The following CSMD1 variants were observed in gnomAD, a reference collection of about 807,000 sequenced individuals.
The protein encoded by CSMD1 is CUB and Sushi multiple domains 1.
Under a neutral mutation model 417.5 loss-of-function variants are expected in CSMD1, and 213 were observed. The observed-to-expected ratio is 0.51, with a 90% CI of 0.46 to 0.57. CSMD1 has a LOEUF of 0.57. Among genes scored for constraint, CSMD1 ranks in the 20% least tolerant of loss-of-function variants. The pLI is 0.00. For missense variants in CSMD1, 6,923 were observed against 4,529.7 expected (o/e 1.53, Z -15.17); for synonymous variants, 2,862 against 1,736.8 (o/e 1.65, Z -16.11).
chr8:4,886,192 T>C (rs1803727824), intron 1 of CSMD1, among the ~76,000 whole-genome samples: 3 of 152,010 alleles, frequency 2.0e-5, no homozygotes, highest in Non-Finnish European at 4.4e-5. Flanking sequence ...GGTTTCACCA[T>C]GTTGGCCAGG....
At chr8:3,987,555 A>C (rs1279379900) in intron 5 of CSMD1, among the ~76,000 whole-genome samples, 1 of 152,170 alleles carries the variant, frequency 6.6e-6, no homozygotes, top group Non-Finnish European at 1.5e-5. Context: ...TGGTGCAGCT[A>C]CGAAGGGGAG....
intron 8 of CSMD1, among the ~76,000 whole-genome samples, chr8:3,604,879 G>C (rs868610130): frequency 2.0e-5 from 3 of 152,172 alleles, no homozygotes; most frequent in African/African-American, 7.2e-5. Context: ...TCCACGCTCT[G>C]TGTTCACCTG....
chr8:3,825,274 A>C (rs552504233), intron 5 of CSMD1, among the ~76,000 whole-genome samples: 45 of 152,284 alleles, frequency 3.0e-4, no homozygotes, highest in African/African-American at 1.1e-3. Flanking sequence ...TCACGCCTGT[A>C]ATCTCAGCAC....
intron 10 of CSMD1, among the ~76,000 whole-genome samples, chr8:3,511,416 G>C (rs1797061994): frequency 6.6e-6 from 1 of 151,534 alleles, no homozygotes. Context: ...TATAGATTTG[G>C]AAATGATCTG....
chr8:4,809,818 T>A (rs1042452236), intron 1 of CSMD1, among the ~76,000 whole-genome samples: 1 of 152,210 alleles, frequency 6.6e-6, no homozygotes, highest in Non-Finnish European at 1.5e-5. Flanking sequence ...CTAGTACATA[T>A]CATTGTGGAC....
At chr8:3,989,670 A>C (rs1368441331) in intron 5 of CSMD1, among the ~76,000 whole-genome samples, 1 of 152,238 alleles carries the variant, frequency 6.6e-6, no homozygotes, top group East Asian at 1.9e-4. Context: ...TTATTAAGAA[A>C]CGATACTGTG....
intron 5 of CSMD1, among the ~76,000 whole-genome samples, chr8:3,896,671 T>G (rs183132115): frequency 2.1e-3 from 316 of 152,044 alleles, no homozygotes; most frequent in Non-Finnish European, 3.9e-3. Flanking sequence ...GCCACCACAC[T>G]GGCTAATTTT....
Position 4,494,151 on chromosome 8 carries a change from G to A in CSMD1, c.303-74086C>T, listed in dbSNP as rs533547204. ...GTAGAGAAAACTGGGGTAAGATATT[G>A]TTGTTTCAAAAACCAATATTCCTGT... On this transcript the variant is annotated intron_variant, in intron 2 of 69. Coordinates refer to ENST00000635120, the MANE Select transcript of CSMD1 (RefSeq NM_033225.6). 3.2e-4 allele frequency among the ~76,000 whole-genome samples: 48 copies of A among 152,254 alleles called. No individual in the cohort carries two copies. In the South Asian group the frequency reaches 1.0e-2, roughly 32 times the overall value.
intron 18 of CSMD1, among the ~76,000 whole-genome samples, chr8:3,385,400 C>T (rs537124474): frequency 1.6e-4 from 24 of 151,314 alleles, no homozygotes; most frequent in African/African-American, 4.8e-4. Flanking sequence ...ATATCCTATG[C>T]GGAAATCTAT....
chr8:4,575,268 C>G (rs1563300851), intron 2 of CSMD1, among the ~76,000 whole-genome samples: 1 of 152,142 alleles, frequency 6.6e-6, no homozygotes, highest in African/African-American at 2.4e-5. Context: ...AGATCATTCT[C>G]ATTATTTTCA....
chr8:4,652,572 A>T (rs553448629), intron 1 of CSMD1, among the ~76,000 whole-genome samples: 1 of 152,032 alleles, frequency 6.6e-6, no homozygotes, highest in East Asian at 1.9e-4. Context: ...GAATCGCTTG[A>T]ACCCGGGAGG....
chr8:4,945,192 G>A (rs1177801051), intron 1 of CSMD1, among the ~76,000 whole-genome samples: 1 of 152,156 alleles, frequency 6.6e-6, no homozygotes, highest in Non-Finnish European at 1.5e-5. Flanking sequence ...GGTTTGTAGA[G>A]CAGTGAAATC....
At chr8:3,934,245 C>G (rs992193895) in intron 5 of CSMD1, among the ~76,000 whole-genome samples, 1 of 152,164 alleles carries the variant, frequency 6.6e-6, no homozygotes, top group South Asian at 2.1e-4. Flanking sequence ...GATGAACTTG[C>G]TCAGAATAAT....
intron 10 of CSMD1, among the ~76,000 whole-genome samples, chr8:3,499,920 G>A (rs1223487348): frequency 6.6e-6 from 1 of 152,128 alleles, no homozygotes; most frequent in Non-Finnish European, 1.5e-5. Flanking sequence ...GGAACCCGGT[G>A]TGAGTTCTCT....
At chr8:3,067,845 C>A (rs921006021) in intron 49 of CSMD1, among the ~76,000 whole-genome samples, 2 of 152,018 alleles carry the variant, frequency 1.3e-5, no homozygotes, top group Non-Finnish European at 1.5e-5. Context: ...CTCATACTAA[C>A]AATATGAGTC....
At chr8:4,661,023 T>C (rs1292041851) in intron 1 of CSMD1, among the ~76,000 whole-genome samples, 1 of 152,172 alleles carries the variant, frequency 6.6e-6, no homozygotes, top group Non-Finnish European at 1.5e-5. Context: ...CTGGTTGGAA[T>C]GCAAAATGGC....
chr8:3,444,621 C>T (rs1036189044), intron 12 of CSMD1, among the ~76,000 whole-genome samples: 1 of 152,096 alleles, frequency 6.6e-6, no homozygotes, highest in Non-Finnish European at 1.5e-5. Flanking sequence ...CCTACAGTCA[C>T]AGGACCGTCC....
chr8:4,912,142 G>T (rs112237499), intron 1 of CSMD1, among the ~76,000 whole-genome samples: 1 of 56,322 alleles, frequency 1.8e-5, no homozygotes. Context: ...AAAAAAAAAA[G>T]AAAGAAAGAA....
intron 3 of CSMD1, among the ~76,000 whole-genome samples, chr8:4,239,599 C>G (rs1292961119): frequency 2.0e-5 from 3 of 152,142 alleles, no homozygotes; most frequent in African/African-American, 7.2e-5. Context: ...CCACCTGCCT[C>G]TCTTAGAAGG....
Sources: allele counts gnomAD v4.1 joint callset (sites outside exome capture counted in the v4.1 genomes callset), GRCh38; gene constraint gnomAD v4.1.1; transcripts MANE v1.5; gene names NCBI Gene and HGNC (gene_info 2026-07-23, HGNC 2026-07-21).